ITPRID1: variants seen among roughly 807,000 people sequenced by gnomAD.
The protein encoded by ITPRID1 is ITPR interacting domain containing 1.
In ITPRID1, 96 loss-of-function variants were observed where a neutral mutation model predicts 95.4. The observed-to-expected ratio is 1.01, with a 90% CI of 0.85 to 1.19. ITPRID1 has a LOEUF of 1.19. ITPRID1 is among the 50% of genes most tolerant of loss of function. The pLI, the probability that ITPRID1 is intolerant of heterozygous loss-of-function variation, is 0.00. For synonymous variants in ITPRID1, 510 were observed against 453.6 expected (o/e 1.12, Z -1.58); for missense variants, 1,339 against 1,252.9 (o/e 1.07, Z -1.04).
intron 12 of ITPRID1, among the ~76,000 whole-genome samples, chr7:31,649,040 CTAAG>C (rs1790731464): frequency 6.6e-6 from 1 of 152,184 alleles, no homozygotes; most frequent in African/African-American, 2.4e-5. Context: ...CAGAGATTCC[CTAAG>C]TGTTTCAAAT....
chr7:31,588,351 C>T (rs1785711562), intron 10 of ITPRID1, among the ~76,000 whole-genome samples: 1 of 151,972 alleles, frequency 6.6e-6, no homozygotes, highest in South Asian at 2.1e-4. Context: ...GCAGTCTTGG[C>T]CAGGTGCAGT....
At chr7:31,644,010 A>C in intron 12 of ITPRID1, 57 bp downstream of exon 12, 74 of 1,459,236 alleles carry the variant, frequency 5.1e-5, no homozygotes, top group Non-Finnish European at 6.4e-5. Flanking sequence ...TAAACACCTC[A>C]GGGATAATAT....
At chr7:31,554,955 A>AT in intron 5 of ITPRID1, 54 bp downstream of exon 5, 13 of 1,222,132 alleles carry the variant, frequency 1.1e-5, no homozygotes, top group Non-Finnish European at 1.4e-5. Context: ...GATATATTCA[A>AT]ATATCTACGT....
chr7:31,616,887 T>C (rs1724552044), intron 10 of ITPRID1, among the ~76,000 whole-genome samples: 1 of 152,190 alleles, frequency 6.6e-6, no homozygotes, highest in African/African-American at 2.4e-5. Context: ...AAACCTCTCT[T>C]GCTTACTTTT....
chr7:31,537,859 C>T (rs1018767389), intron 1 of ITPRID1, among the ~76,000 whole-genome samples: 8 of 152,014 alleles, frequency 5.3e-5, no homozygotes, highest in African/African-American at 1.9e-4. Context: ...GATTTCTTCT[C>T]CCCCCAAAAT....
chr7:31,622,791 A>G (rs1459459091), intron 10 of ITPRID1, among the ~76,000 whole-genome samples: 1 of 152,082 alleles, frequency 6.6e-6, no homozygotes, highest in South Asian at 2.1e-4. Flanking sequence ...GACACAAAAA[A>G]CCCTTCAAAA....
rs1484821131 is a variant in ITPRID1, at chr7:31,643,528, G to A, written c.2158G>A (p.Ala720Thr). 1 of 1,613,920 alleles carries A rather than the reference G, an allele frequency of 6.2e-7. No individual in the cohort carries two copies. The highest frequency in any genetic ancestry group is 1.3e-5 in the African/African-American group (1 of 74,936). The stretch of plus-strand genomic sequence containing the variant: ...GATGTCCTCCAGCCTGGTGTCGGCT[G>A]CTCAGAGGGCTGTGGCCTTGGGGAC... ...TQMSSSLVSA[A>T]QRAVALGTGP... Residue 720 changes from alanine (A) to threonine (T), a missense_variant, in exon 12 of 15, where the codon GCT becomes ACT. Physicochemically the swap from Ala to Thr is moderately conservative, Grantham distance 58. Transcript: ENST00000615280.
At chr7:31,645,869 A>G (rs38400) in intron 12 of ITPRID1, among the ~76,000 whole-genome samples, 6,712 of 152,250 alleles carry the variant, frequency 0.044, 212 homozygotes, top group Non-Finnish European at 0.063. Context: ...CCAAAATGTC[A>G]GTAGTGTCAA....
chr7:31,557,040 A>G (rs1784470663), intron 5 of ITPRID1, among the ~76,000 whole-genome samples: 1 of 151,804 alleles, frequency 6.6e-6, no homozygotes, highest in Admixed American at 6.6e-5. Flanking sequence ...TCATCTCTAC[A>G]TGGCTTCTTC....
rs967966207 is a variant in ITPRID1, at chr7:31,640,171, A to G, written c.1229-2005A>G. ...AAGGCTAATTATTTCTTACTCCTGA[A>G]GCAAGACACTTCTGAGTATTCTACC... On this transcript the variant is annotated intron_variant, in intron 10 of 14. Coordinates refer to ENST00000615280, the MANE Select transcript of ITPRID1 (RefSeq NM_001257967.3). Among the ~76,000 whole-genome samples, 7 of 152,314 alleles carry G rather than the reference A, an allele frequency of 4.6e-5. No homozygotes were observed. The East Asian group carries it at 1.2e-3, about 25-fold the overall frequency.
At chr7:31,545,588 T>C (rs1784071560) in intron 1 of ITPRID1, among the ~76,000 whole-genome samples, 1 of 152,124 alleles carries the variant, frequency 6.6e-6, no homozygotes, top group African/African-American at 2.4e-5. Flanking sequence ...TTAATAGTCT[T>C]TTCCTTATTT....
chr7:31,514,726 A>G (rs551436768), intron 1 of ITPRID1, among the ~76,000 whole-genome samples: 39 of 152,306 alleles, frequency 2.6e-4, no homozygotes, highest in African/African-American at 8.7e-4. Flanking sequence ...TTTAACAGAT[A>G]TATGTTGCTA....
At chr7:31,609,501 A>T (rs1008743266) in intron 10 of ITPRID1, among the ~76,000 whole-genome samples, 10 of 151,570 alleles carry the variant, frequency 6.6e-5, no homozygotes, top group Non-Finnish European at 1.5e-4. Context: ...GTCTATTAAA[A>T]TTTTCTGTTT....
At chr7:31,553,952 A>T (rs565752488) in intron 3 of ITPRID1, among the ~76,000 whole-genome samples, 18 of 152,288 alleles carry the variant, frequency 1.2e-4, no homozygotes, top group Middle Eastern at 3.4e-3. Context: ...CCTTTTTAAC[A>T]CAGGGTGCCT....
intron 1 of ITPRID1, among the ~76,000 whole-genome samples, chr7:31,531,636 G>C (rs1182373831): frequency 2.0e-5 from 3 of 152,170 alleles, no homozygotes; most frequent in African/African-American, 7.2e-5. Flanking sequence ...GACTGGCTAG[G>C]GGTGCTGACA....
At chr7:31,644,134 G>A (rs189190586) in intron 12 of ITPRID1, among the ~76,000 whole-genome samples, 181 bp downstream of exon 12, 5 of 152,212 alleles carry the variant, frequency 3.3e-5, no homozygotes, top group Middle Eastern at 3.4e-3. Context: ...ATTTCTTCTC[G>A]ATACTTCCAA....
chr7:31,592,984 TA>T (rs1317933039), intron 10 of ITPRID1, among the ~76,000 whole-genome samples: 2 of 152,242 alleles, frequency 1.3e-5, no homozygotes, highest in Non-Finnish European at 2.9e-5. Flanking sequence ...TTAAGCCCTT[TA>T]AAAATTTATC....
intron 10 of ITPRID1, among the ~76,000 whole-genome samples, chr7:31,603,396 C>T (rs753490948): frequency 3.9e-4 from 59 of 151,286 alleles, no homozygotes; most frequent in Non-Finnish European, 6.8e-4. Context: ...CACCTTCCCT[C>T]CCCCTCCCCA....
intron 5 of ITPRID1, among the ~76,000 whole-genome samples, chr7:31,569,021 G>C (rs1562575472): frequency 6.6e-6 from 1 of 152,202 alleles, no homozygotes; most frequent in East Asian, 1.9e-4. Flanking sequence ...GAATGTGTGT[G>C]TAATATGCTT....
Sources: allele counts gnomAD v4.1 joint callset (sites outside exome capture counted in the v4.1 genomes callset), GRCh38; gene constraint gnomAD v4.1.1; transcripts MANE v1.5; gene names NCBI Gene and HGNC (gene_info 2026-07-23, HGNC 2026-07-21).